The following HIVEP3 variants were observed in gnomAD, a reference collection of about 807,000 sequenced individuals.
HIVEP3 encodes transcription factor HIVEP3.
A neutral mutation model predicts 152.8 loss-of-function variants in HIVEP3; 49 were observed. The ratio of observed to expected loss-of-function variants is 0.32; its 90% CI spans 0.26 to 0.41. The LOEUF (loss-of-function observed/expected upper bound fraction) is 0.41, where lower values mean the gene tolerates loss of function less well. Among genes scored for constraint, HIVEP3 ranks in the 10% least tolerant of loss-of-function variants. The pLI, the probability that HIVEP3 is intolerant of heterozygous loss-of-function variation, is 1.00. For synonymous variants in HIVEP3, 1,269 were observed against 1,289.0 expected (o/e 0.98, Z 0.33); for missense variants, 2,790 against 3,103.3 (o/e 0.90, Z 2.40).
intron 1 of HIVEP3, among the ~76,000 whole-genome samples, chr1:41,904,252 C>A (rs1644674187): frequency 6.6e-6 from 1 of 152,108 alleles, no homozygotes; most frequent in Non-Finnish European, 1.5e-5. Flanking sequence ...ACAATGCAGT[C>A]ACACAGGCCT....
intron 1 of HIVEP3, among the ~76,000 whole-genome samples, chr1:41,983,943 A>C: frequency 6.6e-6 from 1 of 152,188 alleles, no homozygotes; most frequent in East Asian, 1.9e-4. Flanking sequence ...AAGAAGTAGA[A>C]CAATGAAGAA....
At chr1:41,731,961 C>G (rs559751659) in intron 1 of HIVEP3, among the ~76,000 whole-genome samples, 1 of 152,226 alleles carries the variant, frequency 6.6e-6, no homozygotes, top group Non-Finnish European at 1.5e-5. Context: ...TTCCCCTGAC[C>G]GAGTGTTTCT....
intron 1 of HIVEP3, among the ~76,000 whole-genome samples, chr1:41,744,437 G>A (rs548548778): frequency 1.6e-4 from 25 of 152,366 alleles, no homozygotes; most frequent in African/African-American, 6.0e-4. Flanking sequence ...TGCTGGAGGT[G>A]CCAGTCTTTG....
At chr1:42,021,293 C>T (rs1645552203) in intron 1 of HIVEP3, among the ~76,000 whole-genome samples, 2 of 152,042 alleles carry the variant, frequency 1.3e-5, no homozygotes, top group African/African-American at 4.8e-5. Flanking sequence ...ATAAGAAGTG[C>T]TCAGATCCAG....
chr1:41,592,051 G>A (rs942705894), intron 3 of HIVEP3, among the ~76,000 whole-genome samples: 2 of 152,180 alleles, frequency 1.3e-5, no homozygotes, highest in African/African-American at 4.8e-5. Flanking sequence ...GCTGCAGGTG[G>A]GACAGTGAGT....
chr1:41,856,226 G>T (rs937633867), intron 1 of HIVEP3, among the ~76,000 whole-genome samples: 1 of 152,210 alleles, frequency 6.6e-6, no homozygotes, highest in African/African-American at 2.4e-5. Context: ...CAAATAAAAT[G>T]CATCTGCAGC....
At chr1:41,625,638 G>T (rs1299998965) in intron 3 of HIVEP3, among the ~76,000 whole-genome samples, 1 of 152,212 alleles carries the variant, frequency 6.6e-6, no homozygotes, top group Non-Finnish European at 1.5e-5. Context: ...AGGAAGCTGA[G>T]ATAGGAGGAT....
intron 5 of HIVEP3, among the ~76,000 whole-genome samples, chr1:41,544,897 T>TCAC (rs1173707391): frequency 0.036 from 31 of 870 alleles, 4 homozygotes; most frequent in Admixed American, 0.06. Flanking sequence ...ACCACCACCA[T>TCAC]CACCACCACC....
At chr1:41,759,971 T>A (rs1222783027) in intron 1 of HIVEP3, among the ~76,000 whole-genome samples, 1 of 152,188 alleles carries the variant, frequency 6.6e-6, no homozygotes, top group Non-Finnish European at 1.5e-5. Context: ...TGGTAAAACC[T>A]TGGTCAATTT....
intron 3 of HIVEP3, among the ~76,000 whole-genome samples, chr1:41,606,769 A>G (rs75603076): frequency 0.029 from 4,424 of 151,966 alleles, 305 homozygotes; most frequent in African/African-American, 0.1. Context: ...CTCTTAGTTT[A>G]TCCTCCAGAA....
chr1:41,964,231 G>C (rs1645185697), intron 1 of HIVEP3, among the ~76,000 whole-genome samples: 1 of 152,166 alleles, frequency 6.6e-6, no homozygotes, highest in African/African-American at 2.4e-5. Context: ...CTCTCATTGG[G>C]ACTGACTAGG....
intron 1 of HIVEP3, among the ~76,000 whole-genome samples, chr1:41,972,067 A>G (rs1211962164): frequency 6.6e-6 from 1 of 152,188 alleles, no homozygotes; most frequent in Non-Finnish European, 1.5e-5. Flanking sequence ...TTTATAAATT[A>G]CCTACTCTCT....
chr1:41,674,920 C>G (rs1363433967), intron 2 of HIVEP3, among the ~76,000 whole-genome samples: 1 of 152,170 alleles, frequency 6.6e-6, no homozygotes. Context: ...AACAGGGACT[C>G]CCCTTTTCCC....
chr1:41,921,092 A>C (rs1277555850), upstream of HIVEP3, among the ~76,000 whole-genome samples: 2 of 152,200 alleles, frequency 1.3e-5, no homozygotes, highest in Non-Finnish European at 2.9e-5. Flanking sequence ...CACTATTTCC[A>C]TACGGGGGCT....
chr1:41,628,836 A>C lies in HIVEP3; in HGVS notation c.-609T>G. On this transcript the variant is annotated 5_prime_UTR_variant, in exon 3 of 9. Transcript: ENST00000372583. Reference sequence around the variant, plus strand: ...ATTCATGTCCACTCCTACGGCAGCCACCCTCCACCTAGGCGCCGCTCTTCC... The same window carrying C: ...ATTCATGTCCACTCCTACGGCAGCCCCCCTCCACCTAGGCGCCGCTCTTCC... 1 of 1,231,898 alleles carries C rather than the reference A, an allele frequency of 8.1e-7. No individual in the cohort carries two copies. Among genetic ancestry groups the C allele is most frequent in the Non-Finnish European group, 1.0e-6 (1 of 987,916 alleles). The allele number at this position is 1,231,898 out of a possible 1,614,324, so 76.3% of individuals were successfully genotyped here.
intron 1 of HIVEP3, among the ~76,000 whole-genome samples, chr1:41,949,798 C>T (rs1460916862): frequency 6.6e-6 from 1 of 152,140 alleles, no homozygotes; most frequent in Non-Finnish European, 1.5e-5. Context: ...AGAGGCAGTC[C>T]ATAACTAAAA....
intron 1 of HIVEP3, among the ~76,000 whole-genome samples, chr1:41,721,360 C>T (rs950729179): frequency 3.9e-5 from 6 of 152,112 alleles, no homozygotes; most frequent in South Asian, 4.1e-4. Context: ...CGCATGCCAC[C>T]GCGCTCGACT....
chr1:41,665,663 GT>G (rs1645783841), intron 2 of HIVEP3, among the ~76,000 whole-genome samples: 1 of 145,880 alleles, frequency 6.9e-6, no homozygotes, highest in African/African-American at 2.6e-5. Context: ...TGATCCAGGT[GT>G]CCCGGGCTAG....
intron 3 of HIVEP3, among the ~76,000 whole-genome samples, chr1:41,595,547 T>C (rs1053339473): frequency 6.6e-6 from 1 of 152,112 alleles, no homozygotes. Flanking sequence ...GGGAAGATGT[T>C]GATGGTGAGA....
Sources: allele counts gnomAD v4.1 joint callset (sites outside exome capture counted in the v4.1 genomes callset), GRCh38; gene constraint gnomAD v4.1.1; transcripts MANE v1.5; gene names NCBI Gene and HGNC (gene_info 2026-07-23, HGNC 2026-07-21).